TNFRSF1B: variants seen among roughly 807,000 people sequenced by gnomAD.
The protein encoded by TNFRSF1B is tumor necrosis factor receptor superfamily member 1B.
A neutral mutation model predicts 44.6 loss-of-function variants in TNFRSF1B; 19 were observed. The observed-to-expected ratio is 0.43, with a 90% CI of 0.30 to 0.62. The LOEUF is 0.62. Among genes scored for constraint, TNFRSF1B ranks in the 20% least tolerant of loss-of-function variants. TNFRSF1B has a pLI of 0.16. For synonymous variants in TNFRSF1B, 252 were observed against 261.1 expected (o/e 0.97, Z 0.34); for missense variants, 541 against 619.9 (o/e 0.87, Z 1.35).
intron 1 of TNFRSF1B, among the ~76,000 whole-genome samples, chr1:12,183,711 T>TCTATCTACCTA (rs1553163383): frequency 2.8e-4 from 26 of 93,278 alleles, no homozygotes; most frequent in Non-Finnish European, 3.9e-4. Context: ...TATCTATCTA[T>TCTATCTACCTA]TCTATCTACC....
intron 1 of TNFRSF1B, among the ~76,000 whole-genome samples, chr1:12,174,520 T>G (rs1557624044): frequency 6.6e-6 from 1 of 152,204 alleles, no homozygotes; most frequent in Non-Finnish European, 1.5e-5. Context: ...AGTGCTGGAA[T>G]TACAGGCGTG....
chr1:12,203,989 C>G (rs976363977), intron 9 of TNFRSF1B, among the ~76,000 whole-genome samples: 1 of 152,212 alleles, frequency 6.6e-6, no homozygotes, highest in Non-Finnish European at 1.5e-5. Context: ...CTCGGCCTCC[C>G]GAAGGGCTGG....
chr1:12,182,452 C>T (rs17880104), intron 1 of TNFRSF1B, among the ~76,000 whole-genome samples: 236 of 152,356 alleles, frequency 1.5e-3, no homozygotes, highest in African/African-American at 5.4e-3. Flanking sequence ...CTCTATTGAA[C>T]GTGCATGTGT....
In TNFRSF1B at chr1:12,177,159, C is replaced by T. The variant is rs938415113; in HGVS notation, c.78+9990C>T. On this transcript the variant is annotated intron_variant, in intron 1 of 9. Transcript: ENST00000376259. The surrounding 1 kb of genome is among the most constrained non-coding windows in gnomAD (Gnocchi z 4.3). ...CTGGGACTACAGGCGTGCCCCACCA[C>T]GCCTGGCTAATTTTTTGTATTTTTT... 6.6e-6 allele frequency among the ~76,000 whole-genome samples: 1 copy of T among 152,150 alleles called. No homozygotes were observed. The highest frequency in any genetic ancestry group is 2.4e-5 in the African/African-American group (1 of 41,438).
At chr1:12,192,399 A>C (rs772993824) in intron 4 of TNFRSF1B, 32 bp from the exon 5 acceptor site, 2 of 1,608,892 alleles carry the variant, frequency 1.2e-6, no homozygotes, top group African/African-American at 1.3e-5. Flanking sequence ...AGAGTGTCTG[A>C]GTGGTTGACA....
Position 12,192,960 on chromosome 1 carries a change from C to G in TNFRSF1B, c.649C>G (p.Pro217Ala). 1 of 1,614,192 alleles carries G rather than the reference C, an allele frequency of 6.2e-7. No individual in the cohort carries two copies. Among genetic ancestry groups the G allele is most frequent in the Middle Eastern group, 1.6e-4 (1 of 6,062 alleles). Residue 217 changes from proline to alanine, a missense_variant, in exon 6 of 10, where the codon CCC becomes GCC. By Grantham distance (27) the Pro-to-Ala change is conservative. Coordinates refer to ENST00000376259, the MANE Select transcript of TNFRSF1B (RefSeq NM_001066.3). Reference protein sequence around the residue: ...RSMAPGAVHLPQPVSTRSQHT... With the variant: ...RSMAPGAVHLAQPVSTRSQHT... ...TATGGCCCCAGGGGCAGTACACTTA[C>G]CCCAGCCAGTGTCCACACGATCCCA...
rs965973870 is a variant in TNFRSF1B at position 12,180,736 on chromosome 1, C to T, written c.79-8060C>T. ...GCAGGGAGGGTGGAACCTGACTGAC[C>T]GGGTCAGCCTTACTCTTCCAGCGGG... is the stretch of plus-strand genomic sequence containing the variant. On this transcript the variant is annotated intron_variant, in intron 1 of 9. Transcript: ENST00000376259. The surrounding 1 kb of genome is among the most constrained non-coding windows in gnomAD (Gnocchi z 4.3). 3.3e-5 allele frequency among the ~76,000 whole-genome samples: 5 copies of T among 151,806 alleles called. No individual in the cohort carries two copies. Among genetic ancestry groups the T allele is most frequent in the South Asian group, 2.1e-4 (1 of 4,830 alleles).
intron 7 of TNFRSF1B, 94 bp from the exon 8 acceptor site, chr1:12,194,490 C>G (rs1055712089): frequency 3.2e-5 from 44 of 1,379,960 alleles, no homozygotes; most frequent in Middle Eastern, 1.8e-4. Context: ...CTGGGCCTCT[C>G]TGCTGGTTCT....
chr1:12,195,747 C>G (rs5746041), intron 8 of TNFRSF1B, among the ~76,000 whole-genome samples: 65 of 152,264 alleles, frequency 4.3e-4, no homozygotes, highest in African/African-American at 1.5e-3. Flanking sequence ...CCAGAACATA[C>G]GTCTGTCACA....
intron 2 of TNFRSF1B, among the ~76,000 whole-genome samples, chr1:12,189,625 A>G (rs1476051472): frequency 6.6e-6 from 1 of 152,266 alleles, no homozygotes; most frequent in Non-Finnish European, 1.5e-5. Flanking sequence ...TGCTGGGAAT[A>G]CACAGAGAGC....
At chr1:12,191,347 A>G (rs912074748) in intron 3 of TNFRSF1B, among the ~76,000 whole-genome samples, 6 of 152,228 alleles carry the variant, frequency 3.9e-5, no homozygotes, top group Non-Finnish European at 8.8e-5. Context: ...AGTGGTGCGC[A>G]TGCTCGTGCT....
rs559533579 is a variant in TNFRSF1B at position 12,186,691 on chromosome 1, G to C, written c.79-2105G>C. Among the ~76,000 whole-genome samples, 1 of 152,226 alleles carries C rather than the reference G, an allele frequency of 6.6e-6. No homozygotes were observed. Among genetic ancestry groups the C allele is most frequent in the African/African-American group, 2.4e-5 (1 of 41,456 alleles). ...ACTAAAGGTTATGGATCTCGATCTT[G>C]TACTGGCCACATGACTGCAGCTGGC... On this transcript the variant is annotated intron_variant, in intron 1 of 9. Transcript: ENST00000376259. This position sits in a 1 kb window ranked among gnomAD's most constrained non-coding sequence, Gnocchi z 4.8.
rs372975213 is a variant in TNFRSF1B, at chr1:12,202,068, G to A, written c.1002G>A (p.Ser334=). 7.5e-6 allele frequency: 12 copies of A among 1,601,098 alleles called. No homozygotes were observed. Among genetic ancestry groups the A allele is most frequent in the Admixed American group, 6.9e-5 (4 of 58,110 alleles). The change falls in exon 9 of 10, where the codon TCG becomes TCA. Residue 334 remains serine (S), a synonymous_variant. Transcript: ENST00000376259. The stretch of plus-strand genomic sequence containing the variant: ...CCAGCAGCAGCTCCCTGGAGAGCTC[G>A]GCCAGTGCGTTGGACAGAAGGGCGC... The part of the protein sequence containing the change: ...PSSSSSSLES[S]ASALDRRAPT...
Position 12,183,720 on chromosome 1 carries a change from C to CCTATCTATCTATCTATCTATCTAT in TNFRSF1B, c.79-5068_79-5045dup, listed in dbSNP as rs376176302. ...TCTATCTATCTATCTATTCTATCTACCTATCTATCTATCTATCTATCTATC... is the reference window on the plus strand; with the variant it reads ...TCTATCTATCTATCTATTCTATCTACCTATCTATCTATCTATCTATCTATCTATCTATCTATCTATCTATCTATC... On this transcript the variant is annotated intron_variant, in intron 1 of 9. Coordinates refer to ENST00000376259, the MANE Select transcript of TNFRSF1B (RefSeq NM_001066.3). Among the ~76,000 whole-genome samples, 6 of 92,200 alleles carry CCTATCTATCTATCTATCTATCTAT rather than the reference C, an allele frequency of 6.5e-5. 1 individual carries two copies. Among genetic ancestry groups the CCTATCTATCTATCTATCTATCTAT allele is most frequent in the South Asian group, 4.1e-4 (1 of 2,426 alleles). The allele number at this position is 92,200 out of a possible 152,430, so 60.5% of individuals were successfully genotyped here.
At chr1:12,183,719 A>ATT (rs1553163452) in intron 1 of TNFRSF1B, among the ~76,000 whole-genome samples, 2 of 104,706 alleles carry the variant, frequency 1.9e-5, no homozygotes, top group Admixed American at 8.9e-5. Flanking sequence ...TATTCTATCT[A>ATT]CCTATCTATC....
At chr1:12,181,236 C>T (rs947654622) in intron 1 of TNFRSF1B, among the ~76,000 whole-genome samples, 2 of 152,198 alleles carry the variant, frequency 1.3e-5, no homozygotes, top group African/African-American at 4.8e-5. Context: ...CAGTTCGCTG[C>T]CCTGGGGTGT....
At chr1:12,172,228 C>T (rs1638538744) in intron 1 of TNFRSF1B, among the ~76,000 whole-genome samples, 1 of 152,174 alleles carries the variant, frequency 6.6e-6, no homozygotes, top group Non-Finnish European at 1.5e-5. Flanking sequence ...CGTTCTGGAC[C>T]CTCGTCTGGC....
Position 12,188,440 on chromosome 1 carries a change from A to G in TNFRSF1B, c.79-356A>G, listed in dbSNP as rs59033706. On this transcript the variant is annotated intron_variant, in intron 1 of 9. Coordinates refer to ENST00000376259, the MANE Select transcript of TNFRSF1B (RefSeq NM_001066.3). ...GGAAGGAGAGGTATCTTCCTTCCTC[A>G]GCAGAGGGCAGCTTTGTGCTGAGAA... Among the ~76,000 whole-genome samples the G allele has an allele frequency of 1.7e-3, 253 of 152,266 alleles. 1 individual carries two copies. The highest frequency in any genetic ancestry group is 5.9e-3 in the African/African-American group (247 of 41,552).
rs1553163435 is a variant in TNFRSF1B, at chr1:12,183,699, T to TCTATCTAG, written c.79-5090_79-5089insGCTATCTA. Among the ~76,000 whole-genome samples, 138 of 102,330 alleles carry TCTATCTAG rather than the reference T, an allele frequency of 1.3e-3. 10 individuals are homozygous for TCTATCTAG. Among genetic ancestry groups the TCTATCTAG allele is most frequent in the African/African-American group, 3.0e-3 (94 of 30,940 alleles). The allele number at this position is 102,330 out of a possible 152,430, so 67.1% of individuals were successfully genotyped here. ...ATCTATCTATCTATCTATCTATCTA[T>TCTATCTAG]CTATCTATCTATTCTATCTACCTAT... On this transcript the variant is annotated intron_variant, in intron 1 of 9. Transcript: ENST00000376259.
Sources: allele counts gnomAD v4.1 joint callset (sites outside exome capture counted in the v4.1 genomes callset), GRCh38; gene constraint gnomAD v4.1.1; non-coding constraint Gnocchi (gnomAD v3.1); transcripts MANE v1.5; gene names NCBI Gene and HGNC (gene_info 2026-07-23, HGNC 2026-07-21).